NRXN3: variants seen among roughly 807,000 people sequenced by gnomAD.
NRXN3 encodes neurexin 3, also known as neurexin III.
NRXN3 carries 32 observed loss-of-function variants against 137.6 expected under a neutral mutation model. The observed-to-expected ratio is 0.23, with a 90% CI of 0.18 to 0.31. The LOEUF (loss-of-function observed/expected upper bound fraction) is 0.31, where lower values mean the gene tolerates loss of function less well. NRXN3 is among the 10% of genes least tolerant of loss of function. The pLI is 1.00. For synonymous variants in NRXN3, 798 were observed against 784.5 expected (o/e 1.02, Z -0.29); for missense variants, 1,574 against 2,062.5 (o/e 0.76, Z 4.59).
chr14:78,360,676 AG>A (rs1233493488), intron 4 of NRXN3, among the ~76,000 whole-genome samples: 1 of 152,232 alleles, frequency 6.6e-6, no homozygotes, highest in Non-Finnish European at 1.5e-5. Context: ...GCACATAGTA[AG>A]GGTTCAAGAA....
chr14:79,321,496 G>A (rs1446526801), intron 15 of NRXN3, among the ~76,000 whole-genome samples: 1 of 151,950 alleles, frequency 6.6e-6, no homozygotes, highest in Non-Finnish European at 1.5e-5. Context: ...CTTAAAATAA[G>A]GACATTCTAT....
intron 15 of NRXN3, among the ~76,000 whole-genome samples, chr14:79,003,736 C>T (rs778665074): frequency 3.9e-5 from 6 of 152,116 alleles, no homozygotes; most frequent in South Asian, 2.1e-4. Context: ...AACAAGAAGC[C>T]ACATCCCAGG....
At chr14:79,690,310 C>A (rs2098711645) in intron 17 of NRXN3, among the ~76,000 whole-genome samples, 1 of 152,094 alleles carries the variant, frequency 6.6e-6, no homozygotes, top group Non-Finnish European at 1.5e-5. Context: ...CCAAGGTAGA[C>A]CATTATAATG....
intron 4 of NRXN3, among the ~76,000 whole-genome samples, chr14:78,624,319 C>T (rs1021892878): frequency 6.6e-6 from 1 of 152,182 alleles, no homozygotes; most frequent in Non-Finnish European, 1.5e-5. Context: ...GAGCAACAGC[C>T]CCTCCTTTAA....
intron 4 of NRXN3, among the ~76,000 whole-genome samples, chr14:78,416,516 C>T (rs1270017732): frequency 1.3e-5 from 2 of 152,108 alleles, no homozygotes; most frequent in Non-Finnish European, 1.5e-5. Context: ...GATAATTTAA[C>T]CCTCAAATGA....
chr14:79,799,518 G>A (rs1364166330), intron 19 of NRXN3, among the ~76,000 whole-genome samples: 1 of 152,184 alleles, frequency 6.6e-6, no homozygotes, highest in Non-Finnish European at 1.5e-5. Context: ...CAGTATCTAA[G>A]TTTTCAAGAA....
Position 79,256,269 on chromosome 14 carries a change from G to A in NRXN3, c.3263-210952G>A, listed in dbSNP as rs147624886. On this transcript the variant is annotated intron_variant, in intron 15 of 20. Transcript: ENST00000335750. ...GTGAGGAATTACAGATTTTGACTGC[G>A]TAAAATATTGTGCGTTGTTCCAAGC... is the stretch of plus-strand genomic sequence containing the variant. 1.8e-3 allele frequency among the ~76,000 whole-genome samples: 276 copies of A among 152,106 alleles called. 18 individuals are homozygous for A. In the South Asian group the frequency reaches 0.056, roughly 31 times the overall value.
At chr14:79,111,256 A>C (rs1384276157) in intron 15 of NRXN3, among the ~76,000 whole-genome samples, 1 of 152,202 alleles carries the variant, frequency 6.6e-6, no homozygotes, top group African/African-American at 2.4e-5. Flanking sequence ...TGGAAGGCCA[A>C]ATAGCATTTG....
rs371230833 is a variant in NRXN3, at chr14:79,803,065, T to G, written c.4015-2047T>G. Among the ~76,000 whole-genome samples, 33 of 152,216 alleles carry G rather than the reference T, an allele frequency of 2.2e-4. 1 individual carries two copies. The South Asian group carries it at 6.8e-3, about 32-fold the overall frequency. ...AATAAAATTAAAAAAATAAAAATTCTTTTTTTCTGCTAGCCTTGAGGAGCA... is the reference window on the plus strand; with the variant it reads ...AATAAAATTAAAAAAATAAAAATTCGTTTTTTCTGCTAGCCTTGAGGAGCA... On this transcript the variant is annotated intron_variant, in intron 19 of 20. Transcript: ENST00000335750.
In NRXN3 at chr14:79,861,007, C is replaced by T. The variant is rs909998326; in HGVS notation, c.4094-335C>T. 3.1e-6 allele frequency: 4 copies of T among 1,297,098 alleles called. No homozygotes were observed. In the African/African-American group the frequency reaches 6.0e-5, roughly 19 times the overall value. The allele number at this position is 1,297,098 out of a possible 1,614,324, so 80.3% of individuals were successfully genotyped here. A position where few individuals can be genotyped will look rare whatever the true frequency, so the allele number is the denominator to read the frequency against. ...TGAGTGAGAGTTGTTTACAAATATACTAATTGTTTTTCTTTTTCTTTTCCA... is the reference window on the plus strand; with the variant it reads ...TGAGTGAGAGTTGTTTACAAATATATTAATTGTTTTTCTTTTTCTTTTCCA... On this transcript the variant is annotated intron_variant, in intron 20 of 20. Transcript: ENST00000335750. This position sits in a 1 kb window ranked among gnomAD's most constrained non-coding sequence, Gnocchi z 5.4.
At chr14:79,005,351 A>G (rs1234831332) in intron 15 of NRXN3, among the ~76,000 whole-genome samples, 1 of 152,166 alleles carries the variant, frequency 6.6e-6, no homozygotes, top group Non-Finnish European at 1.5e-5. Context: ...TACCTTAGCA[A>G]TGCCCTCAGT....
intron 10 of NRXN3, among the ~76,000 whole-genome samples, chr14:78,814,286 G>T (rs934851628): frequency 1.1e-4 from 17 of 152,130 alleles, no homozygotes; most frequent in Admixed American, 1.1e-3. Flanking sequence ...CCATCATGGC[G>T]AATTGAACTA....
At position 79,786,174 on chromosome 14, in the gene NRXN3, A is replaced by G. The variant is rs2099128879; in HGVS notation, c.4015-18938A>G. On this transcript the variant is annotated intron_variant, in intron 19 of 20. Coordinates refer to ENST00000335750, the MANE Select transcript of NRXN3 (RefSeq NM_001330195.2). ...TGTTATAACCAATGTGACAGCCACA[A>G]AAGAGAATTAAAGCTATAGACTGTT... is the stretch of plus-strand genomic sequence containing the variant. Among the ~76,000 whole-genome samples the G allele has an allele frequency of 2.6e-5, 4 of 152,304 alleles. No homozygotes were observed. In the South Asian group the frequency reaches 8.3e-4, roughly 32 times the overall value.
chr14:78,249,041 C>G (rs575546983), intron 2 of NRXN3, among the ~76,000 whole-genome samples: 1 of 152,178 alleles, frequency 6.6e-6, no homozygotes, highest in South Asian at 2.1e-4. Context: ...GCAGAGCAGC[C>G]GCCTGCCACT....
chr14:79,341,809 T>C (rs774650132), intron 15 of NRXN3, among the ~76,000 whole-genome samples: 40 of 152,182 alleles, frequency 2.6e-4, no homozygotes, highest in Non-Finnish European at 5.7e-4. Context: ...TGATTAAATG[T>C]CCTCAATCTA....
intron 8 of NRXN3, among the ~76,000 whole-genome samples, chr14:78,770,377 G>A (rs947819322): frequency 2.0e-5 from 3 of 152,158 alleles, no homozygotes; most frequent in Non-Finnish European, 2.9e-5. Context: ...CTTTCAGAGT[G>A]AGTTCTCCAT....
At chr14:79,696,592 G>A (rs1303389700) in intron 18 of NRXN3, among the ~76,000 whole-genome samples, 7 of 151,734 alleles carry the variant, frequency 4.6e-5, no homozygotes, top group Non-Finnish European at 4.4e-5. Flanking sequence ...AGTTTGCTTG[G>A]GAAAAAAATC....
intron 4 of NRXN3, among the ~76,000 whole-genome samples, chr14:78,497,328 T>A (rs1439377427): frequency 6.6e-6 from 1 of 152,184 alleles, no homozygotes; most frequent in Admixed American, 6.5e-5. Context: ...TCACACTGTC[T>A]GAGGCCTCAT....
intron 15 of NRXN3, among the ~76,000 whole-genome samples, chr14:79,383,139 C>A (rs1341211938): frequency 6.6e-6 from 1 of 152,104 alleles, no homozygotes; most frequent in Non-Finnish European, 1.5e-5. Context: ...CATTCCCAAT[C>A]CTCCAGTTCT....
Sources: allele counts gnomAD v4.1 joint callset (sites outside exome capture counted in the v4.1 genomes callset), GRCh38; gene constraint gnomAD v4.1.1; non-coding constraint Gnocchi (gnomAD v3.1); transcripts MANE v1.5; gene names NCBI Gene and HGNC (gene_info 2026-07-23, HGNC 2026-07-21).